Variants in AUTS2 observed in about 807,000 individuals in gnomAD.
AUTS2 encodes autism susceptibility gene 2 protein.
Under a neutral mutation model 112.4 loss-of-function variants are expected in AUTS2, and 17 were observed. The ratio of observed to expected loss-of-function variants is 0.15; its 90% CI spans 0.10 to 0.23. The LOEUF is 0.23. AUTS2 is among the 10% of genes least tolerant of loss of function. AUTS2 has a pLI of 1.00. For missense variants in AUTS2, 1,510 were observed against 1,701.6 expected (o/e 0.89, Z 1.98); for synonymous variants, 751 against 702.7 (o/e 1.07, Z -1.09).
At chr7:70,657,654 T>C (rs1191697084) in intron 5 of AUTS2, among the ~76,000 whole-genome samples, 1 of 152,210 alleles carries the variant, frequency 6.6e-6, no homozygotes, top group Non-Finnish European at 1.5e-5. Flanking sequence ...CTGCTATTTT[T>C]TCCCCTAGCG....
chr7:70,277,926 TTGTGTG>T (rs35535865), intron 4 of AUTS2, among the ~76,000 whole-genome samples: 7 of 129,086 alleles, frequency 5.4e-5, no homozygotes, highest in African/African-American at 1.8e-4. Context: ...CCTTGTGTAT[TTGTGTG>T]TGTGTGTGTG....
chr7:69,867,306 G>A (rs1045397359), intron 1 of AUTS2, among the ~76,000 whole-genome samples: 1 of 152,068 alleles, frequency 6.6e-6, no homozygotes, highest in African/African-American at 2.4e-5. Flanking sequence ...TCACAAGGGT[G>A]GATTTTTAAA....
chr7:70,725,080 A>G (rs990565564), intron 6 of AUTS2, among the ~76,000 whole-genome samples: 14 of 152,232 alleles, frequency 9.2e-5, no homozygotes, highest in African/African-American at 3.4e-4. Flanking sequence ...ATCACATTTT[A>G]TAATTTGTCT....
chr7:70,519,450 C>G (rs1799556463), intron 5 of AUTS2, among the ~76,000 whole-genome samples: 2 of 152,288 alleles, frequency 1.3e-5, no homozygotes, highest in Admixed American at 1.3e-4. Context: ...CCAGCCCAAC[C>G]AAGAACCAGG....
At chr7:70,639,005 C>G (rs1000202515) in intron 5 of AUTS2, among the ~76,000 whole-genome samples, 5 of 152,182 alleles carry the variant, frequency 3.3e-5, no homozygotes, top group African/African-American at 1.2e-4. Context: ...AGCCCTACTT[C>G]TACTTCCAGG....
At chr7:69,792,278 C>T (rs985488906) in intron 1 of AUTS2, among the ~76,000 whole-genome samples, 4 of 149,316 alleles carry the variant, frequency 2.7e-5, no homozygotes, top group Admixed American at 1.3e-4. Context: ...CTCGCTCTGT[C>T]GCCCAGGCTG....
In AUTS2 at chr7:70,118,149, C is replaced by T. The variant is rs372406859; in HGVS notation, c.540C>T (p.Asn180=). 56 of 1,606,940 alleles carry T rather than the reference C, an allele frequency of 3.5e-5. No homozygotes were observed. In the African/African-American group the frequency reaches 7.3e-4, roughly 21 times the overall value. The change falls in exon 3 of 19, where the codon AAC becomes AAT. Residue 180 remains asparagine (N), a synonymous_variant. Transcript: ENST00000342771. ...KALRQLKPGQ[N]SCRDSDSESA... is the part of the protein sequence containing the mutation. Reference sequence around the variant, plus strand: ...GCCTTTAGCTCAAGCCAGGACAGAACAGCTGCAGGGACAGTGACAGTGAAA... The same window carrying T: ...GCCTTTAGCTCAAGCCAGGACAGAATAGCTGCAGGGACAGTGACAGTGAAA...
At chr7:69,891,046 T>C (rs965229953) in intron 1 of AUTS2, among the ~76,000 whole-genome samples, 1 of 152,340 alleles carries the variant, frequency 6.6e-6, no homozygotes, top group African/African-American at 2.4e-5. Flanking sequence ...TGATGAGTTT[T>C]GACATGTGTA....
At chr7:70,461,737 G>T (rs1490114043) in intron 5 of AUTS2, among the ~76,000 whole-genome samples, 1 of 152,060 alleles carries the variant, frequency 6.6e-6, no homozygotes, top group African/African-American at 2.4e-5. Context: ...CATAACAAGG[G>T]TGTGGTAGGA....
At chr7:70,188,733 G>T (rs530911806) in intron 4 of AUTS2, among the ~76,000 whole-genome samples, 1 of 151,720 alleles carries the variant, frequency 6.6e-6, no homozygotes, top group East Asian at 1.9e-4. Flanking sequence ...TCCACCATTT[G>T]CTAGCTAGTG....
At chr7:70,582,504 A>G (rs1028983619) in intron 5 of AUTS2, among the ~76,000 whole-genome samples, 18 of 152,176 alleles carry the variant, frequency 1.2e-4, no homozygotes, top group Non-Finnish European at 1.5e-5. Flanking sequence ...TTGCCCAAAG[A>G]AATAGGAATG....
rs1792250457 is a variant in AUTS2, at chr7:69,599,502, C to T, written c.-152C>T. 1.7e-6 allele frequency: 1 copy of T among 602,658 alleles called. No individual in the cohort carries two copies. Among genetic ancestry groups the T allele is most frequent in the South Asian group, 8.5e-5 (1 of 11,820 alleles). The allele number at this position is 602,658 out of a possible 1,614,324, so 37.3% of individuals were successfully genotyped here. ...CTTTCTCCTCTCTTTCTTCCCCTCT[C>T]TCCCTTCTTTCGGCCGCCGTCTCCC... On this transcript the variant is annotated 5_prime_UTR_variant, in exon 1 of 19. Coordinates refer to ENST00000342771, the MANE Select transcript of AUTS2 (RefSeq NM_015570.4). This position sits in a 1 kb window ranked among gnomAD's most constrained non-coding sequence, Gnocchi z 7.0.
intron 4 of AUTS2, among the ~76,000 whole-genome samples, chr7:70,347,853 T>C (rs1791564135): frequency 1.3e-5 from 2 of 152,230 alleles, no homozygotes; most frequent in Non-Finnish European, 2.9e-5. Context: ...CTCCAGGAGA[T>C]GACTCCCTGG....
intron 4 of AUTS2, among the ~76,000 whole-genome samples, chr7:70,156,432 G>A (rs1162402077): frequency 1.3e-5 from 2 of 152,098 alleles, no homozygotes; most frequent in South Asian, 2.1e-4. Flanking sequence ...TGTGAAGTAG[G>A]ACTGTAGATA....
At position 70,787,197 on chromosome 7, in the gene AUTS2, T is replaced by G; in HGVS notation, c.2309-12T>G. 6.2e-7 allele frequency: 1 copy of G among 1,613,926 alleles called. No homozygotes were observed. Among genetic ancestry groups the G allele is most frequent in the Non-Finnish European group, 8.5e-7 (1 of 1,179,834 alleles). On this transcript the variant is annotated splice_polypyrimidine_tract_variant and intron_variant, in intron 17 of 18. Coordinates refer to ENST00000342771, the MANE Select transcript of AUTS2 (RefSeq NM_015570.4). ...CTCTTAAACCTTTTTGTTCTCCACT[T>G]CACCATTTCAGCACCCAACTCAATG...
At chr7:70,016,253 TAAG>T (rs1800022612) in intron 2 of AUTS2, among the ~76,000 whole-genome samples, 2 of 152,222 alleles carry the variant, frequency 1.3e-5, no homozygotes, top group Non-Finnish European at 2.9e-5. Context: ...TGTGTCATTT[TAAG>T]AAGGTCAGTT....
intron 1 of AUTS2, among the ~76,000 whole-genome samples, chr7:69,743,856 G>C (rs981308981): frequency 3.3e-5 from 5 of 152,158 alleles, no homozygotes; most frequent in African/African-American, 1.2e-4. Flanking sequence ...GAGTACAGTA[G>C]AACGATCATA....
intron 1 of AUTS2, among the ~76,000 whole-genome samples, chr7:69,729,043 G>A (rs1786657765): frequency 1.3e-5 from 2 of 151,940 alleles, no homozygotes. Context: ...GTCACATGTT[G>A]GTTGTACTAT....
intron 1 of AUTS2, among the ~76,000 whole-genome samples, chr7:69,856,466 C>T (rs1262513407): frequency 6.6e-6 from 1 of 152,116 alleles, no homozygotes; most frequent in Non-Finnish European, 1.5e-5. Flanking sequence ...TTCCTGCGGT[C>T]CCTCTCTGTA....
Sources: gnomAD v4.1 joint callset for allele counts (sites outside exome capture counted in the v4.1 genomes callset) on GRCh38, gnomAD v4.1.1 for gene constraint, Gnocchi (gnomAD v3.1) non-coding constraint, MANE v1.5 for transcripts, NCBI Gene and HGNC (gene_info 2026-07-23, HGNC 2026-07-21) for gene names.